Variants in WDR27 observed in about 807,000 individuals in gnomAD.
WDR27 encodes WD repeat domain 27, also known as WD repeat-containing protein 27.
In WDR27, 100 loss-of-function variants were observed where a neutral mutation model predicts 114.4. The ratio of observed to expected loss-of-function variants is 0.87; its 90% CI spans 0.74 to 1.03. WDR27 has a LOEUF of 1.03. Among genes scored for constraint, WDR27 ranks in the 50% least tolerant of loss-of-function variants. The pLI is 0.00. For missense variants in WDR27, 1,129 were observed against 1,092.9 expected (o/e 1.03, Z -0.47); for synonymous variants, 449 against 423.1 (o/e 1.06, Z -0.75).
intron 21 of WDR27, among the ~76,000 whole-genome samples, chr6:169,628,010 C>T (rs929948266): frequency 6.6e-6 from 1 of 152,060 alleles, no homozygotes; most frequent in Non-Finnish European, 1.5e-5. Flanking sequence ...AGGGGTGACT[C>T]GGCGCCATGG....
At chr6:169,610,741 C>A (rs1321132225) in intron 22 of WDR27, among the ~76,000 whole-genome samples, 1 of 152,164 alleles carries the variant, frequency 6.6e-6, no homozygotes, top group African/African-American at 2.4e-5. Context: ...ATGTCTTTTG[C>A]AGCAGCTTGG....
chr6:169,585,932 A>G (rs1373022851), intron 23 of WDR27, among the ~76,000 whole-genome samples: 1 of 151,870 alleles, frequency 6.6e-6, no homozygotes, highest in Non-Finnish European at 1.5e-5. Flanking sequence ...TTCTCTAAAC[A>G]TTTTTCCATA....
At chr6:169,447,079 A>G in the WDR27 span, among the ~76,000 whole-genome samples, 1 of 152,248 alleles carries the variant, frequency 6.6e-6, no homozygotes, top group Non-Finnish European at 1.5e-5. Flanking sequence ...ACTTTTAAAA[A>G]TCAAGTATTT....
At chr6:169,689,214 T>A (rs558014191) in intron 1 of WDR27, 65 of 418,350 alleles carry the variant, frequency 1.6e-4, no homozygotes, top group African/African-American at 1.3e-3. Flanking sequence ...TGCTCCATTC[T>A]TCTCACGGGC....
At position 169,659,593 on chromosome 6, in the gene WDR27, G is replaced by T; in HGVS notation, c.1130-75C>A. 7.1e-7 allele frequency: 1 copy of T among 1,417,668 alleles called. No homozygotes were observed. The highest frequency in any genetic ancestry group is 1.2e-5 in the South Asian group (1 of 81,520). 87.8% of individuals were successfully genotyped at this position (1,417,668 alleles called of 1,614,324 possible). On this transcript the variant is annotated intron_variant, in intron 10 of 25. Coordinates refer to ENST00000448612, the MANE Select transcript of WDR27 (RefSeq NM_182552.5). This position sits in a 1 kb window ranked among gnomAD's most constrained non-coding sequence, Gnocchi z 4.3. ...CATACACACGGAGTCACTGCCCAGA[G>T]CCCACCACACACAGCCCAGAGCCCA...
chr6:169,514,981 C>T (rs980565609), intron 25 of WDR27, among the ~76,000 whole-genome samples: 3 of 151,652 alleles, frequency 2.0e-5, no homozygotes, highest in Non-Finnish European at 4.4e-5. Flanking sequence ...AGATTGGAAA[C>T]AAGATCTCAC....
chr6:169,590,883 CCT>C (rs1249680509), intron 23 of WDR27, among the ~76,000 whole-genome samples: 4 of 152,168 alleles, frequency 2.6e-5, no homozygotes, highest in South Asian at 2.1e-4. Flanking sequence ...TATCCATTCC[CCT>C]GAGACGGACA....
At chr6:169,644,283 A>G (rs60282265) in intron 16 of WDR27, among the ~76,000 whole-genome samples, 1 of 147,292 alleles carries the variant, frequency 6.8e-6, no homozygotes, top group Non-Finnish European at 1.5e-5. Flanking sequence ...GTCACACTGT[A>G]GAAAAGCCTA....
chr6:169,448,384 C>CTA, the WDR27 span, among the ~76,000 whole-genome samples: 29 of 138,252 alleles, frequency 2.1e-4, no homozygotes, highest in African/African-American at 7.9e-4. Flanking sequence ...CCCTCTGTCT[C>CTA]TGTCTCTATG....
At chr6:169,660,470 G>A (rs1180909362) in intron 10 of WDR27, among the ~76,000 whole-genome samples, 193 bp downstream of exon 10, 2 of 152,158 alleles carry the variant, frequency 1.3e-5, no homozygotes, top group African/African-American at 2.4e-5. Context: ...GAGTGCCCGA[G>A]GGTCCGGGAA....
chr6:169,612,385 A>G (rs1810760166), intron 22 of WDR27, among the ~76,000 whole-genome samples: 1 of 152,142 alleles, frequency 6.6e-6, no homozygotes, highest in African/African-American at 2.4e-5. Context: ...GCGCCACTGC[A>G]CTCCAGCACT....
intron 25 of WDR27, among the ~76,000 whole-genome samples, chr6:169,461,992 G>T (rs1435120808): frequency 6.6e-6 from 1 of 152,012 alleles, no homozygotes; most frequent in African/African-American, 2.4e-5. Flanking sequence ...ATCATTGTAA[G>T]AAAGTACTAT....
chr6:169,492,494 G>A (rs1327037981), intron 25 of WDR27, among the ~76,000 whole-genome samples: 3 of 152,040 alleles, frequency 2.0e-5, no homozygotes, highest in Non-Finnish European at 4.4e-5. Flanking sequence ...TTAGACACCC[G>A]AAGGCAGGAG....
At position 169,645,041 on chromosome 6, in the gene WDR27, A is replaced by T. The variant is rs1270425057; in HGVS notation, c.1658-1255T>A. Among the ~76,000 whole-genome samples, 15 of 62,058 alleles carry T rather than the reference A, an allele frequency of 2.4e-4. 1 individual carries two copies. The highest frequency in any genetic ancestry group is 2.2e-3 in the South Asian group (5 of 2,268). 40.7% of individuals were successfully genotyped at this position (62,058 alleles called of 152,430 possible). On this transcript the variant is annotated intron_variant, in intron 16 of 25. Coordinates refer to ENST00000448612, the MANE Select transcript of WDR27 (RefSeq NM_182552.5). ...AAAAAAATAAAAAAAAAAAATAAAA[A>T]AAAAAAAAAAAAAAAAAGAAAATCC...
chr6:169,547,751 A>C (rs1797637588), intron 25 of WDR27, among the ~76,000 whole-genome samples: 1 of 152,178 alleles, frequency 6.6e-6, no homozygotes, highest in Non-Finnish European at 1.5e-5. Context: ...GAACAAAGCA[A>C]GGATATCCCC....
chr6:169,613,398 C>T (rs768883339), intron 22 of WDR27, among the ~76,000 whole-genome samples, 161 bp downstream of exon 22: 24 of 152,334 alleles, frequency 1.6e-4, no homozygotes, highest in African/African-American at 5.3e-4. Flanking sequence ...GTGCTTCACC[C>T]TTCCAAAGTT....
rs144198166 is a variant in WDR27, at chr6:169,661,580, G to A, written c.1025+724C>T. 2.5e-3 allele frequency among the ~76,000 whole-genome samples: 381 copies of A among 152,326 alleles called. 2 individuals are homozygous for A. The highest frequency in any genetic ancestry group is 0.02 in the Middle Eastern group (6 of 294). The stretch of plus-strand genomic sequence containing the variant: ...GACCATCGTCAACAGAATGGGTCAT[G>A]TGGCTCTGGCTTAGCTCTGAGGGCT... On this transcript the variant is annotated intron_variant, in intron 9 of 25. Coordinates refer to ENST00000448612, the MANE Select transcript of WDR27 (RefSeq NM_182552.5).
the WDR27 span, among the ~76,000 whole-genome samples, chr6:169,431,499 T>C: frequency 1.3e-5 from 2 of 152,170 alleles, no homozygotes; most frequent in African/African-American, 2.4e-5. Context: ...ATTTTTATAT[T>C]GATTATTTGG....
At position 169,642,814 on chromosome 6, in the gene WDR27, C is replaced by T. The variant is rs1819570913; in HGVS notation, c.1747+883G>A. 2.6e-5 allele frequency among the ~76,000 whole-genome samples: 4 copies of T among 152,332 alleles called. No homozygotes were observed. The South Asian group carries it at 8.3e-4, about 32-fold the overall frequency. On this transcript the variant is annotated intron_variant, in intron 17 of 25. Transcript: ENST00000448612. ...ACTCAGCCCCACCAGGCCCCACCTC[C>T]GCGTTTCCTAATGACTGCCCTTGGG...
Sources: allele counts gnomAD v4.1 joint callset (sites outside exome capture counted in the v4.1 genomes callset), GRCh38; gene constraint gnomAD v4.1.1; non-coding constraint Gnocchi (gnomAD v3.1); transcripts MANE v1.5; gene names NCBI Gene and HGNC (gene_info 2026-07-23, HGNC 2026-07-21).